Variants in GLIS3 observed in about 807,000 individuals in gnomAD.
The protein encoded by GLIS3 is GLIS family zinc finger 3, also known as zinc finger protein GLIS3.
GLIS3 carries 53 observed loss-of-function variants against 78.6 expected under a neutral mutation model. The observed-to-expected ratio is 0.67, with a 90% confidence interval of 0.54 to 0.85. GLIS3 has a LOEUF of 0.85. Ranked by LOEUF, GLIS3 falls within the 40% of genes least tolerant of loss-of-function variation. The pLI is 0.00. For synonymous variants in GLIS3, 684 were observed against 509.9 expected (o/e 1.34, Z -4.60); for missense variants, 1,703 against 1,231.1 (o/e 1.38, Z -5.74).
rs950375769 is a variant in GLIS3 at position 4,043,477 on chromosome 9, G to T, written c.1710+74291C>A. On this transcript the variant is annotated intron_variant, in intron 4 of 10. Transcript: ENST00000381971. ...TACGGCTGGTTTGGGGTGACTGGCA[G>T]GCTGAAGGCTCCATCAGTCAGTCTG... Among the ~76,000 whole-genome samples the T allele has an allele frequency of 4.6e-5, 7 of 152,032 alleles. No individual in the cohort carries two copies. In the East Asian group the frequency reaches 1.2e-3, roughly 25 times the overall value.
intron 7 of GLIS3, among the ~76,000 whole-genome samples, chr9:3,883,698 G>C (rs1460873442): frequency 2.0e-5 from 3 of 152,210 alleles, no homozygotes; most frequent in Non-Finnish European, 4.4e-5. Context: ...TTCATTGTCT[G>C]TGTCAACTCC....
intron 2 of GLIS3, among the ~76,000 whole-genome samples, chr9:4,191,687 A>G (rs1563729180): frequency 2.0e-5 from 3 of 152,210 alleles, no homozygotes; most frequent in Admixed American, 2.0e-4. Context: ...ATTTTAATAA[A>G]TATGTGTTAA....
At chr9:4,485,117 C>T in the GLIS3 span, among the ~76,000 whole-genome samples, 2,291 of 151,956 alleles carry the variant, frequency 0.015, 53 homozygotes, top group African/African-American at 0.052. Context: ...TGGGTTCAAG[C>T]GATTCTCCTG....
At chr9:4,012,028 C>T (rs902162363) in intron 4 of GLIS3, among the ~76,000 whole-genome samples, 1 of 152,032 alleles carries the variant, frequency 6.6e-6, no homozygotes, top group African/African-American at 2.4e-5. Context: ...TTGCAGAAAG[C>T]CTTCCCGTAA....
At chr9:4,439,465 G>C in the GLIS3 span, among the ~76,000 whole-genome samples, 1 of 152,066 alleles carries the variant, frequency 6.6e-6, no homozygotes, top group Admixed American at 6.6e-5. Context: ...GCACTCACTT[G>C]TCTGGTTTCT....
At chr9:4,230,582 C>A (rs1397529109) in intron 2 of GLIS3, among the ~76,000 whole-genome samples, 1 of 152,136 alleles carries the variant, frequency 6.6e-6, no homozygotes, top group Non-Finnish European at 1.5e-5. Context: ...AGAATTGAGT[C>A]AGGTTTTCTG....
In GLIS3 at chr9:4,195,103, G is replaced by C. The variant is rs183756030; in HGVS notation, c.389-69162C>G. ...GTGCTCTCCCCAACTGCAAGCCAGG[G>C]GCAGGAGAAGAGCTCCTCCAACTGA... On this transcript the variant is annotated intron_variant, in intron 2 of 10. Transcript: ENST00000381971. Among the ~76,000 whole-genome samples, 41 of 152,364 alleles carry C rather than the reference G, an allele frequency of 2.7e-4. No homozygotes were observed. In the East Asian group the frequency reaches 6.9e-3, roughly 26 times the overall value.
chr9:4,190,098 A>G (rs893786285), intron 2 of GLIS3, among the ~76,000 whole-genome samples: 11 of 152,270 alleles, frequency 7.2e-5, no homozygotes, highest in African/African-American at 2.4e-4. Context: ...CAGAACAGAA[A>G]AACTGGAAAC....
At chr9:4,395,787 T>C in the GLIS3 span, among the ~76,000 whole-genome samples, 6 of 150,444 alleles carry the variant, frequency 4.0e-5, no homozygotes, top group Non-Finnish European at 4.4e-5. Context: ...CTTTTTTTTT[T>C]TTTTTGAGAT....
chr9:4,327,625 A>C (rs1382333452), intron 2 of GLIS3, among the ~76,000 whole-genome samples: 2 of 152,196 alleles, frequency 1.3e-5, no homozygotes, highest in African/African-American at 4.8e-5. Flanking sequence ...AGCTGGCCGG[A>C]AAGGACCTTC....
intron 2 of GLIS3, among the ~76,000 whole-genome samples, chr9:4,332,860 A>G (rs1264768835): frequency 6.6e-6 from 1 of 152,218 alleles, no homozygotes. Flanking sequence ...AACCTTATAC[A>G]TGATAGTATC....
intron 2 of GLIS3, among the ~76,000 whole-genome samples, chr9:4,255,577 T>G (rs1824848705): frequency 1.3e-5 from 2 of 152,178 alleles, no homozygotes; most frequent in Admixed American, 6.5e-5. Context: ...TGTAGAAAAC[T>G]TAAATGCATA....
the GLIS3 span, among the ~76,000 whole-genome samples, chr9:4,392,181 G>A: frequency 1.3e-5 from 2 of 151,746 alleles, no homozygotes; most frequent in African/African-American, 2.4e-5. Flanking sequence ...CTCACTCATC[G>A]CTGAACGATG....
chr9:4,450,320 CA>C, the GLIS3 span, among the ~76,000 whole-genome samples: 2 of 152,154 alleles, frequency 1.3e-5, no homozygotes, highest in African/African-American at 2.4e-5. Flanking sequence ...AAGAAATGAA[CA>C]AAGCCTCCAA....
intron 1 of GLIS3, among the ~76,000 whole-genome samples, 161 bp from the exon 2 acceptor site, chr9:4,286,684 A>G (rs1262908209): frequency 6.6e-6 from 1 of 152,170 alleles, no homozygotes; most frequent in East Asian, 1.9e-4. Flanking sequence ...GCTCATTGGC[A>G]GGCACTCTCC....
the GLIS3 span, among the ~76,000 whole-genome samples, chr9:4,373,380 A>G: frequency 1.3e-5 from 2 of 152,220 alleles, no homozygotes; most frequent in African/African-American, 4.8e-5. Context: ...CTACTAATTC[A>G]GAATCTGGGA....
At chr9:4,127,658 G>A (rs183820226) in intron 2 of GLIS3, among the ~76,000 whole-genome samples, 27 of 152,014 alleles carry the variant, frequency 1.8e-4, no homozygotes, top group African/African-American at 6.0e-4. Flanking sequence ...CAATGTGATG[G>A]TTCATAGCCT....
intron 2 of GLIS3, among the ~76,000 whole-genome samples, chr9:4,252,440 G>A (rs1420811736): frequency 6.6e-6 from 1 of 151,926 alleles, no homozygotes; most frequent in East Asian, 1.9e-4. Context: ...TCCTTGTGCT[G>A]TTTTTCAGTT....
intron 2 of GLIS3, among the ~76,000 whole-genome samples, chr9:4,199,131 A>C (rs1056022211): frequency 6.6e-6 from 1 of 152,178 alleles, no homozygotes; most frequent in Admixed American, 6.5e-5. Flanking sequence ...ATAGCCCACA[A>C]ATCCTATAAA....
Sources: gnomAD v4.1 joint callset for allele counts (sites outside exome capture counted in the v4.1 genomes callset) on GRCh38, gnomAD v4.1.1 for gene constraint, MANE v1.5 for transcripts, NCBI Gene and HGNC (gene_info 2026-07-23, HGNC 2026-07-21) for gene names.